SHOC1: variants seen among roughly 807,000 people sequenced by gnomAD.
SHOC1 encodes protein shortage in chiasmata 1 ortholog.
In SHOC1, 136 loss-of-function variants were observed where a neutral mutation model predicts 179.2. That is an observed-to-expected ratio of 0.76 (90% CI 0.66 to 0.87). The LOEUF (loss-of-function observed/expected upper bound fraction) is 0.87, where lower values mean the gene tolerates loss of function less well. SHOC1 is among the 40% of genes least tolerant of loss of function. The pLI is 0.00. For synonymous variants in SHOC1, 489 were observed against 586.6 expected (o/e 0.83, Z 2.41); for missense variants, 1,538 against 1,700.8 (o/e 0.90, Z 1.68).
intron 3 of SHOC1, among the ~76,000 whole-genome samples, chr9:111,781,750 A>AATTAATTAATTAATTAATTAATTAATT (rs1554724113): frequency 1.3e-5 from 2 of 150,892 alleles, no homozygotes; most frequent in African/African-American, 4.9e-5. Context: ...ATAAATAAAT[A>AATTAATTAATTAATTAATTAATTAATT]AATTTGTATG....
chr9:111,775,722 A>G, intron 5 of SHOC1, 69 bp downstream of exon 5: 11 of 1,363,474 alleles, frequency 8.1e-6, no homozygotes, highest in Non-Finnish European at 1.1e-5. Flanking sequence ...TCAAACAAAA[A>G]ACTCACTGAA....
intron 10 of SHOC1, among the ~76,000 whole-genome samples, chr9:111,743,536 G>C (rs532995421): frequency 4.6e-5 from 7 of 152,244 alleles, no homozygotes; most frequent in Non-Finnish European, 8.8e-5. Flanking sequence ...TCAGTTATCA[G>C]ATCAGCTGTT....
chr9:111,764,550 C>T (rs1835271626), intron 5 of SHOC1, among the ~76,000 whole-genome samples: 1 of 152,076 alleles, frequency 6.6e-6, no homozygotes, highest in South Asian at 2.1e-4. Flanking sequence ...GAATACTGAT[C>T]TAACCAAAGT....
At chr9:111,722,887 C>T (rs972456238) in intron 14 of SHOC1, among the ~76,000 whole-genome samples, 8 of 152,066 alleles carry the variant, frequency 5.3e-5, no homozygotes, top group Admixed American at 2.0e-4. Context: ...CTGCAACCTC[C>T]GTCTCCCGGA....
At chr9:111,776,147 A>T (rs903486380) in intron 4 of SHOC1, among the ~76,000 whole-genome samples, 172 bp from the exon 5 acceptor site, 2 of 152,342 alleles carry the variant, frequency 1.3e-5, no homozygotes, top group South Asian at 2.1e-4. Flanking sequence ...AAATTTCTCA[A>T]TTAAAAAAAT....
At chr9:111,757,552 A>T (rs1295158819) in intron 7 of SHOC1, among the ~76,000 whole-genome samples, 6 of 152,186 alleles carry the variant, frequency 3.9e-5, no homozygotes, top group Non-Finnish European at 8.8e-5. Flanking sequence ...TGCTATTGAA[A>T]CTAAATGCAT....
chr9:111,777,352 G>A (rs1402757149), intron 4 of SHOC1, among the ~76,000 whole-genome samples: 3 of 152,058 alleles, frequency 2.0e-5, no homozygotes, highest in African/African-American at 7.2e-5. Context: ...GCAAAAAGTG[G>A]GTCTTTTCAG....
At position 111,693,840 on chromosome 9, in the gene SHOC1, G is replaced by A; in HGVS notation, c.3424C>T (p.Leu1142Phe). The A allele has an allele frequency of 6.2e-7, 1 of 1,611,642 alleles. No individual in the cohort carries two copies. Among genetic ancestry groups the A allele is most frequent in the East Asian group, 2.2e-5 (1 of 44,736 alleles). Residue 1142 changes from leucine (L) to phenylalanine (F), a missense_variant, in exon 26 of 28, where the codon CTT becomes TTT. Coordinates refer to ENST00000682961, the MANE Select transcript of SHOC1 (RefSeq NM_001378211.1). ...HWILLATLCQ[L>F]QELLPEVPEK... The stretch of plus-strand genomic sequence containing the variant: ...GGGACTTCAGGTAGGAGTTCCTGAA[G>A]TTGACACAGAGTTGCTAATAATATC...
At chr9:111,696,978 T>C (rs1831726631) in intron 24 of SHOC1, among the ~76,000 whole-genome samples, 1 of 152,224 alleles carries the variant, frequency 6.6e-6, no homozygotes, top group Non-Finnish European at 1.5e-5. Flanking sequence ...TTCCACTTAG[T>C]AGACATTTAT....
chr9:111,714,926 T>A (rs1284740891), intron 16 of SHOC1, among the ~76,000 whole-genome samples: 1 of 152,212 alleles, frequency 6.6e-6, no homozygotes, highest in Admixed American at 6.5e-5. Context: ...AATCCCAGGA[T>A]CTATATTTAC....
At chr9:111,728,157 C>A in intron 12 of SHOC1, 108 bp from the exon 13 acceptor site, 1 of 770,464 alleles carries the variant, frequency 1.3e-6, no homozygotes, top group Non-Finnish European at 1.9e-6. Flanking sequence ...GTAATTTGAT[C>A]TTTATGAGCA....
At chr9:111,717,295 A>G (rs1832834019) in intron 16 of SHOC1, among the ~76,000 whole-genome samples, 1 of 152,178 alleles carries the variant, frequency 6.6e-6, no homozygotes, top group Non-Finnish European at 1.5e-5. Context: ...TAAACATACC[A>G]TTGTTAAACA....
intron 3 of SHOC1, among the ~76,000 whole-genome samples, chr9:111,781,890 C>T (rs1836074083): frequency 6.6e-6 from 1 of 151,244 alleles, no homozygotes; most frequent in Non-Finnish European, 1.5e-5. Flanking sequence ...AGTTTTGTTA[C>T]CTTGAACAAA....
At chr9:111,759,202 G>T (rs1480085299) in intron 5 of SHOC1, 11 of 1,613,532 alleles carry the variant, frequency 6.8e-6, no homozygotes, top group Non-Finnish European at 9.3e-6. Context: ...TAAAGAAATA[G>T]AAGTATTTGA....
intron 5 of SHOC1, among the ~76,000 whole-genome samples, chr9:111,768,946 A>G (rs2131597912): frequency 6.6e-6 from 1 of 152,202 alleles, no homozygotes; most frequent in Non-Finnish European, 1.5e-5. Context: ...TATTTTGATG[A>G]TGGTTTTTAT....
Position 111,785,956 on chromosome 9 carries a change from T to A in SHOC1, c.125A>T (p.His42Leu), listed in dbSNP as rs1003160978. 1 of 1,527,564 alleles carries A rather than the reference T, an allele frequency of 6.5e-7. No homozygotes were observed. Among genetic ancestry groups the A allele is most frequent in the African/African-American group, 1.4e-5 (1 of 71,614 alleles). The allele number at this position is 1,527,564 out of a possible 1,614,324, so 94.6% of individuals were successfully genotyped here. A position where few individuals can be genotyped will look rare whatever the true frequency, so the allele number is the denominator to read the frequency against. ...AAATTTATTATCAGTAACTGCTACA[T>A]GGTAACTTTCATCTTGATATAAACA... The part of the protein sequence containing the change: ...PSCLYQDESY[H>L]VAVTDNKFRR... The change falls in exon 3 of 28, where the codon CAT (histidine) becomes CTT (leucine). Residue 42 changes from histidine to leucine, a missense_variant. Coordinates refer to ENST00000682961, the MANE Select transcript of SHOC1 (RefSeq NM_001378211.1).
chr9:111,686,915 G>T, intron 27 of SHOC1, 45 bp from the exon 28 acceptor site: 302 of 957,898 alleles, frequency 3.2e-4, no homozygotes, highest in Middle Eastern at 8.9e-4. Context: ...GCTTACAATA[G>T]TAAAGTATAG....
chr9:111,700,821 A>T (rs1486104559), intron 23 of SHOC1, among the ~76,000 whole-genome samples: 1 of 152,120 alleles, frequency 6.6e-6, no homozygotes, highest in Non-Finnish European at 1.5e-5. Flanking sequence ...AACTTTGATT[A>T]AGTGTCAGGC....
chr9:111,715,455 C>T (rs1281555024), intron 16 of SHOC1, among the ~76,000 whole-genome samples: 2 of 152,110 alleles, frequency 1.3e-5, no homozygotes, highest in African/African-American at 2.4e-5. Context: ...GACTGACTTA[C>T]GTTCTTTCTG....
Sources: allele counts gnomAD v4.1 joint callset (sites outside exome capture counted in the v4.1 genomes callset), GRCh38; gene constraint gnomAD v4.1.1; transcripts MANE v1.5; gene names NCBI Gene and HGNC (gene_info 2026-07-23, HGNC 2026-07-21).